The following PLA1A variants were observed in gnomAD, a reference collection of about 807,000 sequenced individuals.
PLA1A encodes phosphatidylserine-specific phospholipase A1alpha.
PLA1A carries 47 observed loss-of-function variants against 49.4 expected under a neutral mutation model. That is an observed-to-expected ratio of 0.95 (90% confidence interval 0.75 to 1.21). PLA1A has a LOEUF of 1.21. Among genes scored for constraint, PLA1A ranks in the 50% most tolerant of loss-of-function variants. PLA1A has a pLI of 0.00. For missense variants in PLA1A, 561 were observed against 563.9 expected, an observed-to-expected ratio of 0.99 and a Z score of 0.05; for synonymous variants, 224 against 207.9, an observed-to-expected ratio of 1.08 and a Z score of -0.67.
In PLA1A at chr3:119,606,978, G is replaced by T. The variant is rs1467517558; in HGVS notation, c.275+3G>T. On this transcript the variant is annotated splice_donor_region_variant and intron_variant, in intron 2 of 10. Transcript: ENST00000273371. ...AAACTAATTATCCATGGATTCAGGT[G>T]GGAGTTAAATAACCAACAGGACTTC... 6.2e-7 allele frequency: 1 copy of T among 1,610,648 alleles called. No homozygotes were observed. The highest frequency in any genetic ancestry group is 8.5e-7 in the Non-Finnish European group (1 of 1,176,872).
At chr3:119,609,745 T>G (rs2082739937) in intron 4 of PLA1A, among the ~76,000 whole-genome samples, 169 bp downstream of exon 4, 1 of 152,234 alleles carries the variant, frequency 6.6e-6, no homozygotes, top group Non-Finnish European at 1.5e-5. Context: ...TAAAATGGTA[T>G]TGTGTTATTA....
chr3:119,615,130 A>G (rs974715458), intron 5 of PLA1A, among the ~76,000 whole-genome samples: 3 of 152,218 alleles, frequency 2.0e-5, no homozygotes, highest in African/African-American at 7.2e-5. Flanking sequence ...CAAATAATAC[A>G]CAATCAATTT....
intron 6 of PLA1A, 130 bp from the exon 7 acceptor site, chr3:119,617,888 AG>A (rs1365595044): frequency 1.6e-6 from 1 of 613,136 alleles, no homozygotes; most frequent in Non-Finnish European, 2.8e-6. Context: ...ATTCTGAAAA[AG>A]TGATTTGAGG....
At chr3:119,600,496 C>G in intron 1 of PLA1A, 1 of 684,188 alleles carries the variant, frequency 1.5e-6, no homozygotes, top group South Asian at 1.5e-5. Context: ...CTTATTTTCC[C>G]TTTCTCCGCT....
chr3:119,610,655 GTTAT>G (rs2082753113), intron 4 of PLA1A, among the ~76,000 whole-genome samples: 1 of 152,058 alleles, frequency 6.6e-6, no homozygotes, highest in East Asian at 1.9e-4. Context: ...TTTTAATGGG[GTTAT>G]TTGTTTTTTT....
chr3:119,602,139 C>T (rs918940263), intron 1 of PLA1A, among the ~76,000 whole-genome samples: 1 of 152,046 alleles, frequency 6.6e-6, no homozygotes, highest in Non-Finnish European at 1.5e-5. Context: ...TTCCTTCTCC[C>T]CTGTCCTTTG....
intron 1 of PLA1A, among the ~76,000 whole-genome samples, chr3:119,598,849 C>T (rs186418529): frequency 1.1e-4 from 17 of 152,298 alleles, no homozygotes; most frequent in Admixed American, 5.9e-4. Context: ...TTCTGCTCAG[C>T]ACCCCTCCCT....
At chr3:119,628,398 C>T (rs2052574800) in intron 9 of PLA1A, among the ~76,000 whole-genome samples, 1 of 152,078 alleles carries the variant, frequency 6.6e-6, no homozygotes, top group Non-Finnish European at 1.5e-5. Flanking sequence ...AAGATCTCCT[C>T]CAGCTAGGAA....
rs1324277434 is a variant in PLA1A at position 119,618,003 on chromosome 3, T to G, written c.755-16T>G. 6.3e-7 allele frequency: 1 copy of G among 1,582,606 alleles called. No homozygotes were observed. On this transcript the variant is annotated splice_polypyrimidine_tract_variant and intron_variant, in intron 6 of 10. Transcript: ENST00000273371. ...TGTCTTGACTGAAACCTTGGTTGTG[T>G]TTTTTCTCTGTTCAGGTTATAGTTA... is the stretch of plus-strand genomic sequence containing the variant.
intron 4 of PLA1A, among the ~76,000 whole-genome samples, chr3:119,610,287 C>T (rs2082747825): frequency 6.6e-6 from 1 of 152,180 alleles, no homozygotes; most frequent in Middle Eastern, 3.4e-3. Flanking sequence ...AATGAATATA[C>T]TAGTGCAGGT....
At chr3:119,607,239 G>A (rs539436639) in intron 2 of PLA1A, 15 of 460,072 alleles carry the variant, frequency 3.3e-5, no homozygotes, top group East Asian at 2.3e-4. Flanking sequence ...ACAAATCTCC[G>A]TACACAGAAC....
chr3:119,625,183 G>T lies in PLA1A; in HGVS notation c.1072G>T (p.Glu358Ter). 6.2e-7 allele frequency: 1 copy of T among 1,613,808 alleles called. No individual in the cohort carries two copies. Among genetic ancestry groups the T allele is most frequent in the Non-Finnish European group, 8.5e-7 (1 of 1,179,718 alleles). The change falls in exon 9 of 11, where the codon GAG becomes TAG. Residue 358 changes from glutamate to a stop codon, truncating the protein, a stop_gained. Coordinates refer to ENST00000273371, the MANE Select transcript of PLA1A (RefSeq NM_015900.4). LOFTEE classifies it high-confidence loss of function. Reference protein sequence around the residue: ...KELRNKDTNIEVTFLSSNITS... With the variant: ...KELRNKDTNI ...ACTGAGAAACAAGGACACCAACATC[G>T]AGGTTACCTTCCTTAGCAGTAACAT... is the stretch of plus-strand genomic sequence containing the variant.
intron 7 of PLA1A, among the ~76,000 whole-genome samples, chr3:119,618,872 C>T (rs2082890068): frequency 6.6e-6 from 1 of 152,180 alleles, no homozygotes; most frequent in South Asian, 2.1e-4. Flanking sequence ...AGCAGCCTGT[C>T]ACTGCTTATA....
At chr3:119,619,316 T>C (rs1577150329) in intron 7 of PLA1A, among the ~76,000 whole-genome samples, 1 of 152,236 alleles carries the variant, frequency 6.6e-6, no homozygotes. Flanking sequence ...AGATTTCTTA[T>C]AATAACCTGC....
chr3:119,624,574 C>A (rs375326430), intron 8 of PLA1A, among the ~76,000 whole-genome samples: 2 of 152,010 alleles, frequency 1.3e-5, no homozygotes, highest in East Asian at 3.9e-4. Context: ...TTCCTAGGCA[C>A]AGGCACTGTC....
At chr3:119,620,205 ACCGTCATC>A in intron 8 of PLA1A, 1 of 455,392 alleles carries the variant, frequency 2.2e-6, no homozygotes, top group Non-Finnish European at 4.4e-6. Context: ...TACAAGCTAA[ACCGTCATC>A]CTTCCCTATG....
At chr3:119,620,585 C>T (rs934289111) in intron 8 of PLA1A, among the ~76,000 whole-genome samples, 3 of 152,170 alleles carry the variant, frequency 2.0e-5, no homozygotes, top group African/African-American at 7.2e-5. Flanking sequence ...GGAACCATAA[C>T]AGTACCTACT....
intron 1 of PLA1A, among the ~76,000 whole-genome samples, chr3:119,599,283 C>G (rs1360592125): frequency 6.6e-6 from 1 of 152,096 alleles, no homozygotes; most frequent in Non-Finnish European, 1.5e-5. Context: ...GTTGCTTATT[C>G]CTTTGTGATT....
chr3:119,601,821 A>C (rs2082621901), intron 1 of PLA1A, among the ~76,000 whole-genome samples: 1 of 152,128 alleles, frequency 6.6e-6, no homozygotes, highest in Non-Finnish European at 1.5e-5. Context: ...TCTAATCCTT[A>C]CTGTAGGCTT....
Sources: allele counts gnomAD v4.1 joint callset (sites outside exome capture counted in the v4.1 genomes callset), GRCh38; gene constraint gnomAD v4.1.1; transcripts MANE v1.5; gene names NCBI Gene and HGNC (gene_info 2026-07-23, HGNC 2026-07-21).